Variants in ZNF469 observed in about 807,000 individuals in gnomAD.
ZNF469 encodes zinc finger protein 469.
Under a neutral mutation model 1.0 loss-of-function variants are expected in ZNF469, and 1 was observed. The observed-to-expected ratio is 1.00, with a 90% CI of 0.35 to 4.73. The LOEUF (loss-of-function observed/expected upper bound fraction) is 4.73. Among genes scored for constraint, ZNF469 ranks in the 30% most tolerant of loss-of-function variants. ZNF469 has a pLI of 0.16. For missense variants in ZNF469, 6,100 were observed against 5,356.3 expected, an observed-to-expected ratio of 1.14 and a Z score of -4.33; for synonymous variants, 2,703 against 2,363.4, an observed-to-expected ratio of 1.14 and a Z score of -4.17.
the ZNF469 span, among the ~76,000 whole-genome samples, chr16:88,128,973 G>A: frequency 1.3e-5 from 2 of 152,390 alleles, no homozygotes; most frequent in African/African-American, 2.4e-5. Context: ...GGAAAATGCA[G>A]CACACTGGGA....
chr16:88,433,977 T>C lies in ZNF469; in HGVS notation c.6507T>C (p.Ser2169=). 1 of 1,550,224 alleles carries C rather than the reference T, an allele frequency of 6.5e-7. No individual in the cohort carries two copies. Among genetic ancestry groups the C allele is most frequent in the East Asian group, 2.4e-5 (1 of 40,914 alleles). Residue 2169 remains serine, a synonymous_variant, in exon 3 of 3, where the codon TCT becomes TCC. Coordinates refer to ENST00000565624, the MANE Select transcript of ZNF469 (RefSeq NM_001367624.2). ...PPGPQQLLAC[S]PAWAPLEEAD... ...GCCCCCAGCAGCTGCTGGCCTGTTC[T>C]CCTGCCTGGGCACCTCTGGAAGAGG...
chr16:88,343,587 G>A, the ZNF469 span, among the ~76,000 whole-genome samples: 647 of 152,188 alleles, frequency 4.3e-3, 4 homozygotes, highest in African/African-American at 0.014. Context: ...AAGGTCGAGC[G>A]GCTGCCTCTG....
At chr16:88,119,636 C>T in the ZNF469 span, among the ~76,000 whole-genome samples, 8,484 of 152,236 alleles carry the variant, frequency 0.056, 366 homozygotes, top group East Asian at 0.23. Context: ...ACACAGGTGC[C>T]GGAAGCTTTT....
chr16:88,131,940 C>G, the ZNF469 span, among the ~76,000 whole-genome samples: 2 of 152,370 alleles, frequency 1.3e-5, no homozygotes, highest in African/African-American at 4.8e-5. Context: ...TTGCCAGCCT[C>G]TAATGGCTCC....
chr16:88,308,604 C>A, the ZNF469 span, among the ~76,000 whole-genome samples: 2 of 152,122 alleles, frequency 1.3e-5, no homozygotes, highest in African/African-American at 2.4e-5. Flanking sequence ...AGCAGGATTC[C>A]TTCTCTTCTT....
chr16:88,422,865 T>A (rs1385373091), intron 1 of ZNF469, among the ~76,000 whole-genome samples: 1 of 127,264 alleles, frequency 7.9e-6, no homozygotes, highest in Non-Finnish European at 1.6e-5. Flanking sequence ...ATGATGATGA[T>A]GGATGAGTGA....
the ZNF469 span, among the ~76,000 whole-genome samples, chr16:88,309,690 A>G: frequency 6.9e-6 from 1 of 144,574 alleles, no homozygotes; most frequent in African/African-American, 2.6e-5. Flanking sequence ...AGGACATCTG[A>G]CGGGGGGAGT....
At chr16:88,363,935 G>A in the ZNF469 span, among the ~76,000 whole-genome samples, 2 of 152,094 alleles carry the variant, frequency 1.3e-5, no homozygotes, top group Admixed American at 1.3e-4. Context: ...CTTGTGGTTT[G>A]CATCTCACTC....
At position 88,436,898 on chromosome 16, in the gene ZNF469, C is replaced by A; in HGVS notation, c.9428C>A (p.Pro3143His). The A allele has an allele frequency of 1.3e-6, 2 of 1,502,206 alleles. No homozygotes were observed. Among genetic ancestry groups the A allele is most frequent in the Non-Finnish European group, 1.8e-6 (2 of 1,128,246 alleles). 93.1% of individuals were successfully genotyped at this position (1,502,206 alleles called of 1,614,324 possible). ...HKLAHTPAPP[P>H]TCYMCVERRF... ...CTGGCCCACACGCCCGCGCCGCCGC[C>A]CACCTGCTACATGTGCGTGGAGCGC... Residue 3143 changes from proline (P) to histidine (H), a missense_variant, in exon 3 of 3, where the codon CCC becomes CAC. Pro to His is a moderately conservative substitution (Grantham distance 77). Transcript: ENST00000565624.
the ZNF469 span, among the ~76,000 whole-genome samples, chr16:88,368,698 C>G: frequency 1.5e-4 from 23 of 151,400 alleles, no homozygotes; most frequent in Middle Eastern, 3.4e-3. Flanking sequence ...AGAGATTGGC[C>G]CAGAAGAACG....
Position 88,429,868 on chromosome 16 carries a change from G to C in ZNF469, c.2398G>C (p.Ala800Pro), listed in dbSNP as rs1459184036. 6.5e-7 allele frequency: 1 copy of C among 1,549,930 alleles called. No homozygotes were observed. The highest frequency in any genetic ancestry group is 8.7e-7 in the Non-Finnish European group (1 of 1,146,846). ...CAGCCACGCGAAGACCTTCCTGTTAGCTGGGGACGCCCAGGCCGAGGGCAA... is the reference window on the plus strand; with the variant it reads ...CAGCCACGCGAAGACCTTCCTGTTACCTGGGGACGCCCAGGCCGAGGGCAA... ...LLSHAKTFLL[A>P]GDAQAEGKDD... The change falls in exon 3 of 3, where the codon GCT becomes CCT. Residue 800 changes from alanine (A) to proline (P), a missense_variant. Coordinates refer to ENST00000565624, the MANE Select transcript of ZNF469 (RefSeq NM_001367624.2).
the ZNF469 span, among the ~76,000 whole-genome samples, chr16:88,372,086 TCACCATCACCACCATC>T: frequency 4.1e-5 from 4 of 96,932 alleles, no homozygotes; most frequent in Non-Finnish European, 6.4e-5. Context: ...ACCACCATCA[TCACCATCACCACCATC>T]ATCACCATCA....
intron 1 of ZNF469, among the ~76,000 whole-genome samples, chr16:88,389,297 C>T (rs899824026): frequency 2.6e-5 from 4 of 152,374 alleles, no homozygotes; most frequent in Admixed American, 2.0e-4. Context: ...CTCAGCGTCA[C>T]ATCTTTAGGG....
the ZNF469 span, among the ~76,000 whole-genome samples, chr16:88,362,885 G>C: frequency 6.6e-6 from 1 of 152,120 alleles, no homozygotes; most frequent in Non-Finnish European, 1.5e-5. Context: ...AGGTCTCTGA[G>C]GCTCTGTTAA....
At chr16:88,216,452 C>T in the ZNF469 span, among the ~76,000 whole-genome samples, 2 of 151,270 alleles carry the variant, frequency 1.3e-5, no homozygotes, top group Non-Finnish European at 1.5e-5. Context: ...CGAGATCACG[C>T]CACTGCACTC....
the ZNF469 span, among the ~76,000 whole-genome samples, chr16:88,185,230 C>T: frequency 4.6e-5 from 7 of 152,076 alleles, no homozygotes; most frequent in South Asian, 1.5e-3. Flanking sequence ...CACATTCACA[C>T]ACGGGCACAC....
the ZNF469 span, among the ~76,000 whole-genome samples, chr16:88,223,773 C>T: frequency 6.6e-6 from 1 of 152,242 alleles, no homozygotes; most frequent in Non-Finnish European, 1.5e-5. Context: ...CCTTCCACAG[C>T]ACTCATCTCA....
At chr16:88,290,956 G>A in the ZNF469 span, among the ~76,000 whole-genome samples, 87,095 of 151,770 alleles carry the variant, frequency 0.57, 26,011 homozygotes, top group East Asian at 0.78. Flanking sequence ...AGATCGGAGC[G>A]CGTCAGCCTT....
chr16:88,383,127 C>T lies in ZNF469; in HGVS notation c.-319C>T. On this transcript the variant is annotated 5_prime_UTR_variant, in exon 1 of 3. Coordinates refer to ENST00000565624, the MANE Select transcript of ZNF469 (RefSeq NM_001367624.2). ...GCAGAGCGGCTCGGTGCCCGGCGGG[C>T]GGGCGGCCCGGGCGGGCCTGCGGTC... Among the ~76,000 whole-genome samples, 1 of 147,882 alleles carries T rather than the reference C, an allele frequency of 6.8e-6. No individual in the cohort carries two copies. Among genetic ancestry groups the T allele is most frequent in the Non-Finnish European group, 1.5e-5 (1 of 66,582 alleles).
Sources: allele counts gnomAD v4.1 joint callset (sites outside exome capture counted in the v4.1 genomes callset), GRCh38; gene constraint gnomAD v4.1.1; transcripts MANE v1.5; gene names NCBI Gene and HGNC (gene_info 2026-07-23, HGNC 2026-07-21).